The following TNRC6C variants were observed in gnomAD, a reference collection of about 807,000 sequenced individuals.
TNRC6C encodes the protein trinucleotide repeat-containing gene 6C protein.
In TNRC6C, 20 loss-of-function variants were observed where a neutral mutation model predicts 153.7. The observed-to-expected ratio is 0.13, with a 90% CI of 0.09 to 0.19. TNRC6C has a LOEUF of 0.19. Ranked by LOEUF, TNRC6C falls within the 10% of genes least tolerant of loss-of-function variation. The pLI is 1.00. For synonymous variants in TNRC6C, 811 were observed against 841.4 expected, an observed-to-expected ratio of 0.96 and a Z score of 0.63; for missense variants, 1,987 against 2,172.0, an observed-to-expected ratio of 0.91 and a Z score of 1.69.
intron 3 of TNRC6C, among the ~76,000 whole-genome samples, chr17:78,055,139 C>T (rs961730994): frequency 1.3e-5 from 2 of 152,192 alleles, no homozygotes; most frequent in African/African-American, 2.4e-5. Flanking sequence ...AAGATACTTT[C>T]TTCAGTAACA....
intron 1 of TNRC6C, among the ~76,000 whole-genome samples, chr17:77,965,734 T>C (rs983058856): frequency 6.6e-6 from 1 of 152,226 alleles, no homozygotes; most frequent in Admixed American, 6.5e-5. Context: ...CATACACATA[T>C]TAAAAAGTTG....
intron 10 of TNRC6C, among the ~76,000 whole-genome samples, chr17:78,080,387 G>A (rs978258021): frequency 3.9e-5 from 6 of 152,084 alleles, no homozygotes; most frequent in African/African-American, 9.7e-5. Flanking sequence ...TGGAGATTGC[G>A]GTGAGCCAAG....
At chr17:78,015,162 A>G (rs2071704629) in intron 1 of TNRC6C, among the ~76,000 whole-genome samples, 1 of 151,886 alleles carries the variant, frequency 6.6e-6, no homozygotes, top group Non-Finnish European at 1.5e-5. Flanking sequence ...ATTTTTGACA[A>G]TTTTTTTCAT....
chr17:77,981,987 G>A (rs2071084920), intron 1 of TNRC6C, among the ~76,000 whole-genome samples: 1 of 152,140 alleles, frequency 6.6e-6, no homozygotes, highest in Admixed American at 6.5e-5. Context: ...TAGGAGGTGG[G>A]GCCTTTGGGA....
intron 1 of TNRC6C, among the ~76,000 whole-genome samples, chr17:77,967,217 C>T (rs1249186714): frequency 6.6e-6 from 1 of 152,088 alleles, no homozygotes; most frequent in Non-Finnish European, 1.5e-5. Flanking sequence ...CAGCACATTT[C>T]CTTGCAGATT....
intron 1 of TNRC6C, among the ~76,000 whole-genome samples, chr17:78,020,510 T>G (rs1417167954): frequency 6.6e-6 from 1 of 152,244 alleles, no homozygotes; most frequent in Admixed American, 6.5e-5. Flanking sequence ...CAGGTAATTA[T>G]TTAGCGGTTT....
chr17:78,085,875 C>A (rs1598775394), intron 11 of TNRC6C, among the ~76,000 whole-genome samples: 1 of 150,786 alleles, frequency 6.6e-6, no homozygotes. Flanking sequence ...TTGTATGAAT[C>A]AAGCAGAAGA....
chr17:78,093,192 A>T lies in TNRC6C; in HGVS notation c.4162+68A>T, dbSNP rs368787679. 55 of 1,517,178 alleles carry T rather than the reference A, an allele frequency of 3.6e-5. No individual in the cohort carries two copies. In the African/African-American group the frequency reaches 5.3e-4, roughly 15 times the overall value. 94.0% of individuals were successfully genotyped at this position (1,517,178 alleles called of 1,614,324 possible). The stretch of plus-strand genomic sequence containing the variant: ...ATGTGCTCCAAGCCTGCAGAGAGTG[A>T]TTAGGCTGAGAGGACCCAGAATCTG... On this transcript the variant is annotated intron_variant, in intron 15 of 19. Coordinates refer to ENST00000301624, the Ensembl canonical transcript of TNRC6C.
At chr17:78,005,657 C>T (rs897448045) in intron 1 of TNRC6C, among the ~76,000 whole-genome samples, 4 of 152,226 alleles carry the variant, frequency 2.6e-5, no homozygotes, top group Non-Finnish European at 5.9e-5. Context: ...AAGCCTCTTC[C>T]TTTTATACCT....
intron 3 of TNRC6C, among the ~76,000 whole-genome samples, chr17:78,052,604 C>T (rs1021631574): frequency 6.6e-6 from 1 of 152,184 alleles, no homozygotes; most frequent in Non-Finnish European, 1.5e-5. Context: ...TTGTGTAGGG[C>T]AGCCTGGGCA....
At chr17:78,068,309 T>C (rs1288173566) in intron 5 of TNRC6C, among the ~76,000 whole-genome samples, 1 of 152,250 alleles carries the variant, frequency 6.6e-6, no homozygotes, top group Admixed American at 6.5e-5. Context: ...AAATGTTAGG[T>C]TAATGTGTAG....
chr17:78,049,933 G>A lies in TNRC6C; in HGVS notation c.871G>A (p.Glu291Lys). ...TGGATCCAGCAGTGCTGTGCAAAAGGAAGGAAGTGGAGGAAATGCTTGGGA... is the reference window on the plus strand; with the variant it reads ...TGGATCCAGCAGTGCTGTGCAAAAGAAAGGAAGTGGAGGAAATGCTTGGGA... Residue 291 changes from glutamate to lysine, a missense_variant, in exon 3 of 20, where the codon GAA becomes AAA. By Grantham distance (56) the Glu-to-Lys change is moderately conservative. Transcript: ENST00000301624. The surrounding 1 kb of genome is among the most constrained non-coding windows in gnomAD (Gnocchi z 4.1). The A allele has an allele frequency of 6.2e-7, 1 of 1,614,074 alleles. No individual in the cohort carries two copies. Among genetic ancestry groups the A allele is most frequent in the African/African-American group, 1.3e-5 (1 of 75,070 alleles).
At chr17:78,086,617 G>A in intron 12 of TNRC6C, 31 bp downstream of exon 14, 1 of 1,605,596 alleles carries the variant, frequency 6.2e-7, no homozygotes, top group Non-Finnish European at 8.5e-7. Context: ...TTTTTGTCAT[G>A]AGCTATAATT....
rs79309909 is a variant in TNRC6C at position 77,977,503 on chromosome 17, C to T, written c.-38+18235C>T. The stretch of plus-strand genomic sequence containing the variant: ...TATGATATGTTGCAAAACAAAAAGA[C>T]AACTTTTTAGTTCAGAAGGGAACCA... On this transcript the variant is annotated intron_variant, in intron 1 of 22. Coordinates refer to the TNRC6C transcript ENST00000636222. Among the ~76,000 whole-genome samples the T allele has an allele frequency of 3.8e-3, 573 of 152,286 alleles. 5 individuals are homozygous for T. The highest frequency in any genetic ancestry group is 0.013 in the African/African-American group (544 of 41,556).
exon 2 of TNRC6C, chr17:78,031,614 C>A: frequency 8.1e-7 from 1 of 1,232,514 alleles, no homozygotes; most frequent in Non-Finnish European, 1.0e-6. Context: ...CAATGGCAAA[C>A]GTGCATCTGC....
intron 2 of TNRC6C, among the ~76,000 whole-genome samples, chr17:78,038,610 C>T (rs1276365460): frequency 2.7e-5 from 4 of 145,642 alleles, no homozygotes; most frequent in African/African-American, 5.1e-5. Context: ...ACCCGGGAGG[C>T]GGAGCTTGCA....
At chr17:77,997,048 A>G (rs2071339235) in intron 1 of TNRC6C, among the ~76,000 whole-genome samples, 1 of 152,212 alleles carries the variant, frequency 6.6e-6, no homozygotes, top group African/African-American at 2.4e-5. Flanking sequence ...ACATTGGTGA[A>G]GCAAGGAGGT....
At chr17:77,991,713 T>C (rs955866584) in intron 1 of TNRC6C, among the ~76,000 whole-genome samples, 2 of 152,230 alleles carry the variant, frequency 1.3e-5, no homozygotes, top group Non-Finnish European at 1.5e-5. Flanking sequence ...CTGATATATA[T>C]ATAAGAAATT....
intron 1 of TNRC6C, among the ~76,000 whole-genome samples, chr17:77,976,208 C>A (rs2070995450): frequency 6.6e-6 from 1 of 152,146 alleles, no homozygotes. Context: ...TCTTTAATTA[C>A]ATATTTGTGT....
Sources: allele counts gnomAD v4.1 joint callset (sites outside exome capture counted in the v4.1 genomes callset), GRCh38; gene constraint gnomAD v4.1.1; non-coding constraint Gnocchi (gnomAD v3.1); transcripts MANE v1.5; gene names NCBI Gene and HGNC (gene_info 2026-07-23, HGNC 2026-07-21).